The following KLF12 variants were observed in gnomAD, a reference collection of about 807,000 sequenced individuals.
The protein encoded by KLF12 is KLF transcription factor 12, also known as Krueppel-like factor 12.
KLF12 carries 9 observed loss-of-function variants against 37.8 expected under a neutral mutation model. That is an observed-to-expected ratio of 0.24 (90% confidence interval 0.14 to 0.42). The LOEUF is 0.42. Among genes scored for constraint, KLF12 ranks in the 10% least tolerant of loss-of-function variants. KLF12 has a pLI of 1.00. For synonymous variants in KLF12, 208 were observed against 202.1 expected (o/e 1.03, Z -0.25); for missense variants, 411 against 516.0 (o/e 0.80, Z 1.97).
intron 6 of KLF12, among the ~76,000 whole-genome samples, chr13:73,751,664 G>A (rs1411581788): frequency 6.6e-6 from 1 of 152,164 alleles, no homozygotes. Flanking sequence ...ACTGAGGTTA[G>A]GGAATATGAA....
chr13:73,982,381 A>T (rs1215992023), intron 2 of KLF12, among the ~76,000 whole-genome samples: 1 of 152,216 alleles, frequency 6.6e-6, no homozygotes, highest in Admixed American at 6.5e-5. Flanking sequence ...ATTGAAAGGT[A>T]AATGTACACT....
At chr13:74,094,081 T>A (rs1199097850) in intron 1 of KLF12, among the ~76,000 whole-genome samples, 1 of 152,286 alleles carries the variant, frequency 6.6e-6, no homozygotes, top group Admixed American at 6.5e-5. Context: ...CCATTTCAGA[T>A]GGGCAAAAGT....
chr13:73,911,733 A>G (rs1024655538), intron 3 of KLF12, among the ~76,000 whole-genome samples: 2 of 152,246 alleles, frequency 1.3e-5, no homozygotes, highest in African/African-American at 4.8e-5. Flanking sequence ...AGAAATAAGA[A>G]AAATGTTCAG....
chr13:73,850,150 T>A (rs1174059710), intron 3 of KLF12, among the ~76,000 whole-genome samples: 1 of 152,160 alleles, frequency 6.6e-6, no homozygotes, highest in African/African-American at 2.4e-5. Context: ...TGTGAAAACC[T>A]AAAGATAAAC....
At chr13:74,056,154 G>A (rs1873230930) in intron 1 of KLF12, among the ~76,000 whole-genome samples, 1 of 152,274 alleles carries the variant, frequency 6.6e-6, no homozygotes, top group Non-Finnish European at 1.5e-5. Flanking sequence ...GGAGGTCTGA[G>A]GGAGGAAGAA....
chr13:74,274,878 AT>A, the KLF12 span, among the ~76,000 whole-genome samples: 1 of 151,946 alleles, frequency 6.6e-6, no homozygotes, highest in Non-Finnish European at 1.5e-5. Flanking sequence ...CACTTCATCA[AT>A]TTTTTAAATT....
the KLF12 span, among the ~76,000 whole-genome samples, chr13:74,235,166 T>A: frequency 6.6e-6 from 1 of 152,202 alleles, no homozygotes; most frequent in Non-Finnish European, 1.5e-5. Context: ...TGTAACCTCG[T>A]TGATGTAAGC....
intron 4 of KLF12, chr13:73,844,845 T>G (rs1884929933): frequency 6.6e-6 from 1 of 152,178 alleles, no homozygotes; most frequent in Non-Finnish European, 1.5e-5. Context: ...AACATAAATC[T>G]TAATCCATCA....
chr13:73,770,677 C>G (rs1338448369), intron 5 of KLF12, among the ~76,000 whole-genome samples: 1 of 152,096 alleles, frequency 6.6e-6, no homozygotes, highest in Non-Finnish European at 1.5e-5. Context: ...CATGCGCCAC[C>G]TGTAATGGCT....
At chr13:73,741,427 C>T (rs971255807) in intron 6 of KLF12, among the ~76,000 whole-genome samples, 2 of 152,184 alleles carry the variant, frequency 1.3e-5, no homozygotes, top group African/African-American at 4.8e-5. Context: ...ATGCTGGTTT[C>T]CTTGCTAGGT....
the KLF12 span, among the ~76,000 whole-genome samples, chr13:74,194,277 A>T: frequency 3.0e-4 from 45 of 152,352 alleles, no homozygotes; most frequent in East Asian, 9.7e-4. Context: ...CAGAAATGTT[A>T]TTGAAGAATT....
chr13:73,765,179 C>A (rs1237794168), intron 5 of KLF12, among the ~76,000 whole-genome samples, 179 bp from the exon 6 acceptor site: 1 of 152,052 alleles, frequency 6.6e-6, no homozygotes, highest in Admixed American at 6.6e-5. Context: ...ATCTGTGGTC[C>A]TTTTTTCCTT....
upstream of KLF12, among the ~76,000 whole-genome samples, chr13:74,134,239 T>G (rs1026875197): frequency 6.6e-6 from 1 of 150,796 alleles, no homozygotes; most frequent in Admixed American, 6.6e-5. Flanking sequence ...CGGGTCCTCC[T>G]CCCCAGAAAC....
At chr13:74,043,070 A>G (rs1422473358) in intron 1 of KLF12, among the ~76,000 whole-genome samples, 2 of 152,214 alleles carry the variant, frequency 1.3e-5, no homozygotes, top group Admixed American at 1.3e-4. Context: ...CAGACTGAAA[A>G]ATCTCTCCAT....
chr13:74,278,817 C>T, the KLF12 span, among the ~76,000 whole-genome samples: 1 of 152,132 alleles, frequency 6.6e-6, no homozygotes, highest in Non-Finnish European at 1.5e-5. Flanking sequence ...AGGCCTCAGC[C>T]AAAACAGAGA....
At chr13:73,861,158 C>T (rs1885905452) in intron 3 of KLF12, among the ~76,000 whole-genome samples, 1 of 152,128 alleles carries the variant, frequency 6.6e-6, no homozygotes, top group Non-Finnish European at 1.5e-5. Flanking sequence ...TAGGATTCTG[C>T]ATTTTTTTCT....
At chr13:73,986,505 C>G (rs901152409) in intron 2 of KLF12, among the ~76,000 whole-genome samples, 2 of 152,166 alleles carry the variant, frequency 1.3e-5, no homozygotes, top group African/African-American at 4.8e-5. Context: ...CAGTCACTTA[C>G]GTTTTTGAAA....
intron 6 of KLF12, among the ~76,000 whole-genome samples, chr13:73,745,335 T>C (rs1174421548): frequency 6.6e-6 from 1 of 152,190 alleles, no homozygotes; most frequent in East Asian, 1.9e-4. Context: ...GAGCTCACTA[T>C]GAATGGAGTT....
At chr13:74,142,358 A>G in the KLF12 span, among the ~76,000 whole-genome samples, 11 of 152,342 alleles carry the variant, frequency 7.2e-5, no homozygotes, top group South Asian at 6.2e-4. Context: ...TTCAAATGAG[A>G]GTGAAGCAGC....
Sources: gnomAD v4.1 joint callset for allele counts (sites outside exome capture counted in the v4.1 genomes callset) on GRCh38, gnomAD v4.1.1 for gene constraint, MANE v1.5 for transcripts, NCBI Gene and HGNC (gene_info 2026-07-23, HGNC 2026-07-21) for gene names.